The following LRRTM4 variants were observed in gnomAD, a reference collection of about 807,000 sequenced individuals.
The protein encoded by LRRTM4 is leucine rich repeat transmembrane neuronal 4.
Under a neutral mutation model 47.6 loss-of-function variants are expected in LRRTM4, and 25 were observed. That is an observed-to-expected ratio of 0.53 (90% CI 0.38 to 0.73). The LOEUF is 0.73. Among genes scored for constraint, LRRTM4 ranks in the 30% least tolerant of loss-of-function variants. LRRTM4 has a pLI of 0.00. For synonymous variants in LRRTM4, 311 were observed against 269.5 expected (o/e 1.15, Z -1.51); for missense variants, 638 against 713.4 (o/e 0.89, Z 1.20).
At chr2:77,295,894 A>G (rs1256026342) in intron 3 of LRRTM4, among the ~76,000 whole-genome samples, 1 of 152,194 alleles carries the variant, frequency 6.6e-6, no homozygotes, top group African/African-American at 2.4e-5. Flanking sequence ...CTGAGGTGCA[A>G]GGAATTAGTA....
intron 3 of LRRTM4, among the ~76,000 whole-genome samples, chr2:77,092,230 G>A (rs549724932): frequency 9.2e-5 from 14 of 151,996 alleles, no homozygotes; most frequent in Middle Eastern, 3.4e-3. Context: ...ACTTCAATCC[G>A]GCCTCCCACA....
At chr2:76,901,630 T>C (rs1673637404) in intron 3 of LRRTM4, among the ~76,000 whole-genome samples, 1 of 152,144 alleles carries the variant, frequency 6.6e-6, no homozygotes, top group South Asian at 2.1e-4. Context: ...TTAATTGAGA[T>C]CTAGAGAAAG....
chr2:76,779,901 G>A lies in LRRTM4; in HGVS notation c.1552-30985C>T, dbSNP rs962716546. On this transcript the variant is annotated intron_variant, in intron 3 of 3. Coordinates refer to ENST00000409884, the MANE Select transcript of LRRTM4 (RefSeq NM_001134745.3). ...GCATGATTTTGCAGCGGCTGGTACC[G>A]GTTGTTCCTTTCCATGTTTAGTGCT... Among the ~76,000 whole-genome samples, 1,143 of 151,850 alleles carry A rather than the reference G, an allele frequency of 7.5e-3. 9 individuals carry two copies. The highest frequency in any genetic ancestry group is 7.7e-3 in the Non-Finnish European group (523 of 67,828).
chr2:77,143,313 T>C (rs1672174556), intron 3 of LRRTM4, among the ~76,000 whole-genome samples: 1 of 152,198 alleles, frequency 6.6e-6, no homozygotes, highest in South Asian at 2.1e-4. Flanking sequence ...GGGCAGTTAT[T>C]ATTTGAAGTA....
chr2:77,331,904 T>C (rs954780573), intron 3 of LRRTM4, among the ~76,000 whole-genome samples: 1 of 152,206 alleles, frequency 6.6e-6, no homozygotes, highest in East Asian at 1.9e-4. Context: ...AAAGTGGATT[T>C]ACACAATTTA....
intron 3 of LRRTM4, among the ~76,000 whole-genome samples, chr2:77,463,717 A>G (rs1010737994): frequency 1.1e-4 from 16 of 152,116 alleles, no homozygotes; most frequent in African/African-American, 3.9e-4. Context: ...TACAAGTAGA[A>G]TATGAGTAAT....
chr2:77,439,653 T>C (rs1406817908), intron 3 of LRRTM4, among the ~76,000 whole-genome samples: 6 of 152,130 alleles, frequency 3.9e-5, no homozygotes, highest in Middle Eastern at 3.2e-3. Flanking sequence ...AAAGTCCAAA[T>C]AAGGTTATAT....
At chr2:77,383,466 C>T (rs916237085) in intron 3 of LRRTM4, among the ~76,000 whole-genome samples, 16 of 151,962 alleles carry the variant, frequency 1.1e-4, no homozygotes, top group African/African-American at 3.9e-4. Flanking sequence ...GAAAATCACA[C>T]CTCTGCATCT....
chr2:77,133,227 G>C (rs1250065754), intron 3 of LRRTM4, among the ~76,000 whole-genome samples: 1 of 152,168 alleles, frequency 6.6e-6, no homozygotes, highest in Non-Finnish European at 1.5e-5. Flanking sequence ...CTACAACAGA[G>C]ACATGCTAGC....
At chr2:77,135,306 C>T (rs998425835) in intron 3 of LRRTM4, among the ~76,000 whole-genome samples, 1 of 152,236 alleles carries the variant, frequency 6.6e-6, no homozygotes, top group Non-Finnish European at 1.5e-5. Flanking sequence ...AACTCCTCCA[C>T]TGAGGGACAT....
At chr2:76,888,065 A>G (rs1339455075) in intron 3 of LRRTM4, among the ~76,000 whole-genome samples, 2 of 150,098 alleles carry the variant, frequency 1.3e-5, no homozygotes, top group African/African-American at 4.9e-5. Context: ...GTGTGTTTGT[A>G]TATATATACA....
At chr2:77,416,574 T>C (rs1674643062) in intron 3 of LRRTM4, among the ~76,000 whole-genome samples, 1 of 152,072 alleles carries the variant, frequency 6.6e-6, no homozygotes, top group African/African-American at 2.4e-5. Flanking sequence ...CAGATATTTC[T>C]GGCCCTCCAT....
chr2:76,826,105 T>C (rs964247560), intron 3 of LRRTM4, among the ~76,000 whole-genome samples: 15 of 151,696 alleles, frequency 9.9e-5, no homozygotes, highest in Non-Finnish European at 1.9e-4. Flanking sequence ...AGATTGTATA[T>C]GAGCGAGTAT....
chr2:76,919,698 T>C (rs1674374070), intron 3 of LRRTM4, among the ~76,000 whole-genome samples: 1 of 152,210 alleles, frequency 6.6e-6, no homozygotes, highest in Non-Finnish European at 1.5e-5. Flanking sequence ...TAATAAATTC[T>C]ATTTTTACAG....
intron 3 of LRRTM4, among the ~76,000 whole-genome samples, chr2:76,993,588 T>C (rs988071425): frequency 5.9e-5 from 9 of 151,946 alleles, no homozygotes; most frequent in African/African-American, 2.2e-4. Context: ...ATGGCTATTA[T>C]TAAAAATACA....
chr2:77,234,133 T>C (rs1278210242), intron 3 of LRRTM4, among the ~76,000 whole-genome samples: 2 of 152,154 alleles, frequency 1.3e-5, no homozygotes, highest in Admixed American at 6.5e-5. Flanking sequence ...GTGCCAGATA[T>C]ACAGTACTAG....
intron 3 of LRRTM4, among the ~76,000 whole-genome samples, chr2:77,105,893 A>T (rs908106865): frequency 2.6e-5 from 4 of 152,332 alleles, no homozygotes; most frequent in Middle Eastern, 3.4e-3. Context: ...TAAATATAAC[A>T]AACTGAAAAT....
At chr2:77,334,831 C>A (rs1160395454) in intron 3 of LRRTM4, among the ~76,000 whole-genome samples, 1 of 152,190 alleles carries the variant, frequency 6.6e-6, no homozygotes, top group Non-Finnish European at 1.5e-5. Context: ...CTTTCACTTT[C>A]TTTTAGTTTT....
At chr2:77,171,153 T>C (rs1673038369) in intron 3 of LRRTM4, among the ~76,000 whole-genome samples, 1 of 152,154 alleles carries the variant, frequency 6.6e-6, no homozygotes, top group Non-Finnish European at 1.5e-5. Context: ...ATAATTTTTG[T>C]GCAAATCAAT....
Sources: allele counts gnomAD v4.1 joint callset (sites outside exome capture counted in the v4.1 genomes callset), GRCh38; gene constraint gnomAD v4.1.1; transcripts MANE v1.5; gene names NCBI Gene and HGNC (gene_info 2026-07-23, HGNC 2026-07-21).